Variants in NELL2 observed in about 807,000 individuals in gnomAD.
The protein encoded by NELL2 is neural EGFL like 2.
In NELL2, 41 loss-of-function variants were observed where a neutral mutation model predicts 109.6. The ratio of observed to expected loss-of-function variants is 0.37; its 90% CI spans 0.29 to 0.49. The LOEUF (loss-of-function observed/expected upper bound fraction) is 0.49. NELL2 is among the 20% of genes least tolerant of loss of function. The pLI is 0.98. For synonymous variants in NELL2, 355 were observed against 344.7 expected (o/e 1.03, Z -0.33); for missense variants, 900 against 1,008.3 (o/e 0.89, Z 1.45).
At chr12:44,782,798 T>C (rs145340064) in intron 3 of NELL2, among the ~76,000 whole-genome samples, 2 of 152,138 alleles carry the variant, frequency 1.3e-5, no homozygotes, top group African/African-American at 4.8e-5. Flanking sequence ...ACAATTACAG[T>C]TGCAGACGTC....
At chr12:44,753,062 A>AAGC (rs1280075400) in intron 9 of NELL2, among the ~76,000 whole-genome samples, 1 of 152,078 alleles carries the variant, frequency 6.6e-6, no homozygotes, top group Non-Finnish European at 1.5e-5. Context: ...ACACAGAATC[A>AAGC]AGCACATGCC....
chr12:44,759,477 G>C (rs1168056689), intron 9 of NELL2, among the ~76,000 whole-genome samples: 1 of 152,148 alleles, frequency 6.6e-6, no homozygotes, highest in Admixed American at 6.5e-5. Flanking sequence ...AGATGCTCTA[G>C]TCATCTCAGC....
chr12:44,795,229 T>C (rs540489991), intron 3 of NELL2, among the ~76,000 whole-genome samples: 1 of 152,354 alleles, frequency 6.6e-6, no homozygotes, highest in South Asian at 2.1e-4. Flanking sequence ...TACATTAAGC[T>C]ACAGCCCAGA....
intron 9 of NELL2, among the ~76,000 whole-genome samples, chr12:44,744,032 T>C (rs573562078): frequency 2.3e-4 from 35 of 152,160 alleles, no homozygotes; most frequent in African/African-American, 8.0e-4. Flanking sequence ...TACTCCAAAA[T>C]TGACCACATA....
At chr12:44,824,219 T>A (rs1292829756) in intron 2 of NELL2, among the ~76,000 whole-genome samples, 1 of 152,238 alleles carries the variant, frequency 6.6e-6, no homozygotes, top group African/African-American at 2.4e-5. Flanking sequence ...CTGTACATTG[T>A]TTCTCCACTC....
At chr12:44,614,693 A>T (rs1759624686) in intron 13 of NELL2, among the ~76,000 whole-genome samples, 1 of 152,112 alleles carries the variant, frequency 6.6e-6, no homozygotes, top group Non-Finnish European at 1.5e-5. Context: ...CATATCCAAC[A>T]GTGTCATCAG....
At chr12:44,843,681 G>C (rs547266293) in intron 2 of NELL2, among the ~76,000 whole-genome samples, 2 of 152,270 alleles carry the variant, frequency 1.3e-5, no homozygotes, top group African/African-American at 4.8e-5. Flanking sequence ...TCAAGATTAA[G>C]GTACCAGCAG....
upstream of NELL2, chr12:44,876,885 C>T (rs1945343641): frequency 1.6e-6 from 2 of 1,282,022 alleles, no homozygotes; most frequent in South Asian, 5.0e-5. Flanking sequence ...TGGGAAGCCC[C>T]GGGTGTCCTG....
intron 15 of NELL2, among the ~76,000 whole-genome samples, chr12:44,550,348 C>A (rs968506903): frequency 6.6e-6 from 1 of 151,674 alleles, no homozygotes; most frequent in African/African-American, 2.4e-5. Context: ...TGAACTCTCA[C>A]CTTCACTGCA....
chr12:44,869,013 A>T (rs1945088934), intron 2 of NELL2, among the ~76,000 whole-genome samples: 1 of 152,244 alleles, frequency 6.6e-6, no homozygotes, highest in Non-Finnish European at 1.5e-5. Flanking sequence ...CAATTTAAAA[A>T]TAATTAAATT....
intron 1 of NELL2, among the ~76,000 whole-genome samples, chr12:44,887,636 TTG>T (rs141640366): frequency 0.012 from 1,723 of 149,042 alleles, 35 homozygotes; most frequent in East Asian, 0.048. Context: ...GGGGGGATTA[TTG>T]TGTGTGTGTG....
intron 13 of NELL2, among the ~76,000 whole-genome samples, chr12:44,644,625 T>TATATATATATATATAC (rs1455589223): frequency 3.0e-5 from 3 of 98,752 alleles, no homozygotes; most frequent in African/African-American, 7.8e-5. Context: ...TATATATATA[T>TATATATATATATATAC]ACATACATAT....
At chr12:44,550,721 G>A (rs1056501110) in intron 15 of NELL2, among the ~76,000 whole-genome samples, 5 of 152,020 alleles carry the variant, frequency 3.3e-5, no homozygotes, top group Non-Finnish European at 7.4e-5. Context: ...GTGACAACAC[G>A]GACGGACCAG....
At chr12:44,775,614 A>G (rs1457522944) in intron 8 of NELL2, among the ~76,000 whole-genome samples, 1 of 152,180 alleles carries the variant, frequency 6.6e-6, no homozygotes, top group Non-Finnish European at 1.5e-5. Flanking sequence ...AACTCTATCT[A>G]ATTTGCTTAT....
chr12:44,821,973 C>T (rs1486963274), intron 2 of NELL2, among the ~76,000 whole-genome samples: 6 of 151,456 alleles, frequency 4.0e-5, no homozygotes, highest in African/African-American at 1.5e-4. Flanking sequence ...ACCATGTTGG[C>T]CAGGCTGGTC....
rs1236539340 is a variant in NELL2 at position 44,804,885 on chromosome 12, C to G, written c.335+11101G>C. Among the ~76,000 whole-genome samples, 3 of 151,804 alleles carry G rather than the reference C, an allele frequency of 2.0e-5. No homozygotes were observed. The East Asian group carries it at 5.8e-4, about 29-fold the overall frequency. ...GCATCCAAAGAATTCAACTCTGTCA[C>G]TAGGGAAAAGAGAAAGCAATTTAAA... On this transcript the variant is annotated intron_variant, in intron 3 of 19. Transcript: ENST00000429094.
intron 12 of NELL2, 150 bp from the exon 13 acceptor site, chr12:44,665,759 A>C (rs1947904867): frequency 1.1e-6 from 1 of 872,776 alleles, no homozygotes; most frequent in African/African-American, 1.7e-5. Flanking sequence ...GGAGTGTTTA[A>C]TGTTCAAATG....
At chr12:44,871,443 G>A (rs1483923163) in intron 2 of NELL2, among the ~76,000 whole-genome samples, 3 of 152,258 alleles carry the variant, frequency 2.0e-5, no homozygotes, top group South Asian at 2.1e-4. Flanking sequence ...AAAGTAACTC[G>A]CTTAATTGTC....
intron 1 of NELL2, 116 bp from the exon 2 acceptor site, chr12:44,875,469 T>C: frequency 3.7e-6 from 6 of 1,613,924 alleles, no homozygotes; most frequent in Non-Finnish European, 5.1e-6. Flanking sequence ...GAACTGAAGA[T>C]GAGAGGCGAC....
Sources: allele counts gnomAD v4.1 joint callset (sites outside exome capture counted in the v4.1 genomes callset), GRCh38; gene constraint gnomAD v4.1.1; transcripts MANE v1.5; gene names NCBI Gene and HGNC (gene_info 2026-07-23, HGNC 2026-07-21).